STS: variants seen among roughly 807,000 people sequenced by gnomAD.
STS encodes the protein steroid sulfatase, also known as steryl-sulfatase.
Under a neutral mutation model 26.8 loss-of-function variants are expected in STS, and 7 were observed. The ratio of observed to expected loss-of-function variants is 0.26; its 90% confidence interval spans 0.15 to 0.49. The LOEUF (loss-of-function observed/expected upper bound fraction) is 0.49. Among genes scored for constraint, STS ranks in the 20% least tolerant of loss-of-function variants. STS has a pLI of 0.98. For missense variants in STS, 434 were observed against 465.6 expected, an observed-to-expected ratio of 0.93 and a Z score of 0.63; for synonymous variants, 199 against 189.4, an observed-to-expected ratio of 1.05 and a Z score of -0.42.
chrX:7,235,591 C>G (rs1163569653), intron 2 of STS, among the ~76,000 whole-genome samples: 1 of 111,635 alleles, frequency 9.0e-6, no homozygotes, highest in African/African-American at 3.3e-5. Flanking sequence ...GGCAACATGA[C>G]AAGATCCCAT....
At chrX:7,348,248 C>T (rs1439877036) in intron 10 of STS, among the ~76,000 whole-genome samples, 3 of 111,966 alleles carry the variant, frequency 2.7e-5, no homozygotes, top group African/African-American at 9.7e-5. Context: ...AGGTTAGGGG[C>T]GATTTGGGGA....
chrX:7,279,359 A>ATGTGTGTGTGTGTGTG (rs1375649455), intron 7 of STS, among the ~76,000 whole-genome samples: 16 of 56,081 alleles, frequency 2.9e-4, no homozygotes, highest in African/African-American at 1.3e-3. Context: ...GTGTGTGTGT[A>ATGTGTGTGTGTGTGTG]TATGTGTGTG....
chrX:7,324,075 T>C (rs1927227204), intron 8 of STS, among the ~76,000 whole-genome samples: 1 of 111,263 alleles, frequency 9.0e-6, no homozygotes, highest in Non-Finnish European at 1.9e-5. Context: ...GGCTACAGCT[T>C]GATTTATACA....
chrX:7,213,123 A>C (rs1009705295), intron 2 of STS, among the ~76,000 whole-genome samples: 1 of 111,583 alleles, frequency 9.0e-6, no homozygotes, highest in Non-Finnish European at 1.9e-5. Context: ...ACAGTCTTTA[A>C]AGTAGATATG....
chrX:7,314,079 G>C (rs1340699961), intron 8 of STS, among the ~76,000 whole-genome samples: 1 of 111,872 alleles, frequency 8.9e-6, no homozygotes, highest in Non-Finnish European at 1.9e-5. Flanking sequence ...ATGTAGCTGG[G>C]CGCAGTGGCT....
At chrX:7,271,483 C>T (rs1924266042) in intron 6 of STS, among the ~76,000 whole-genome samples, 1 of 110,901 alleles carries the variant, frequency 9.0e-6, no homozygotes, top group Non-Finnish European at 1.9e-5. Context: ...CATTTCAGCT[C>T]CTCCAGGTTC....
At position 7,257,130 on chromosome X, in the gene STS, AG is replaced by A. The variant is rs1278261475; in HGVS notation, c.138-111del. On this transcript the variant is annotated intron_variant, in intron 3 of 10. Transcript: ENST00000674429. ...TAGCCAGGCGTGGTAGTGTGAGCCG[AG>A]ATTGCGCCACTGCACTCCAGCCTGG... 3 of 1,050,254 alleles carry A rather than the reference AG, an allele frequency of 2.9e-6. No individual in the cohort carries two copies. The African/African-American group carries it at 5.6e-5, about 19-fold the overall frequency. The allele number at this position is 1,050,254 out of a possible 1,213,427, so 86.6% of individuals were successfully genotyped here.
intron 7 of STS, among the ~76,000 whole-genome samples, chrX:7,297,117 A>T (rs1256583765): frequency 1.8e-5 from 2 of 112,253 alleles, no homozygotes; most frequent in Non-Finnish European, 3.8e-5. Context: ...GCCAAGTCTC[A>T]TTATGAGCAT....
rs189168041 is a variant in STS, at chrX:7,335,669, G to A, written c.1363+1562G>A. Among the ~76,000 whole-genome samples the A allele has an allele frequency of 7.7e-3, 861 of 111,822 alleles. 15 individuals are homozygous for A. Among genetic ancestry groups the A allele is most frequent in the African/African-American group, 0.026 (789 of 30,761 alleles). On this transcript the variant is annotated intron_variant, in intron 10 of 10. Transcript: ENST00000674429. ...TGCCATTGCTTTTGGTGTTTTAGAC[G>A]TGAAGTCCCTGCCCATGCCTGTGTC...
intron 2 of STS, among the ~76,000 whole-genome samples, chrX:7,224,342 T>A (rs765870486): frequency 9.0e-6 from 1 of 111,575 alleles, no homozygotes; most frequent in Non-Finnish European, 1.9e-5. Flanking sequence ...TTTATGGCTG[T>A]CATTAGAGTT....
At position 7,278,217 on chromosome X, in the gene STS, T is replaced by A. The variant is rs886729673; in HGVS notation, c.943+2130T>A. 4.4e-4 allele frequency among the ~76,000 whole-genome samples: 50 copies of A among 112,709 alleles called. 1 individual carries two copies. The highest frequency in any genetic ancestry group is 8.8e-4 in the Non-Finnish European group (47 of 53,323). On this transcript the variant is annotated intron_variant, in intron 7 of 10. Transcript: ENST00000674429. ...AATTTTTAAGAAAGTTTTTGTTTTT[T>A]AAATCCAATACATATGAGTGTTCTA...
intron 1 of STS, among the ~76,000 whole-genome samples, chrX:7,168,548 C>T (rs994203352): frequency 7.2e-5 from 8 of 111,545 alleles, no homozygotes; most frequent in Non-Finnish European, 1.3e-4. Context: ...GAGGGCATCC[C>T]TCATAATGTG....
At chrX:7,295,279 A>C (rs1444431529) in intron 7 of STS, among the ~76,000 whole-genome samples, 1 of 111,694 alleles carries the variant, frequency 9.0e-6, no homozygotes, top group Non-Finnish European at 1.9e-5. Flanking sequence ...AAAAAAATCT[A>C]GTGGAACATT....
intron 2 of STS, among the ~76,000 whole-genome samples, chrX:7,209,003 T>TGGGC (rs1338888241): frequency 2.3e-4 from 26 of 111,700 alleles, no homozygotes; most frequent in African/African-American, 8.5e-4. Context: ...GTGATGACAG[T>TGGGC]GGGCCCACCT....
In STS at chrX:7,230,461, A is replaced by T. The variant is rs776503965; in HGVS notation, c.-4-22735A>T. On this transcript the variant is annotated intron_variant, in intron 2 of 10. Coordinates refer to ENST00000674429, the MANE Select transcript of STS (RefSeq NM_001320752.2). Reference sequence around the variant, plus strand: ...CATGTGTCAGCTGAGGAATGGATAAATAAAATGTGGCACAGCCATGCAATG... The same window carrying T: ...CATGTGTCAGCTGAGGAATGGATAATTAAAATGTGGCACAGCCATGCAATG... Among the ~76,000 whole-genome samples the T allele has an allele frequency of 5.4e-5, 6 of 112,096 alleles. No individual in the cohort carries two copies. In the South Asian group the frequency reaches 2.3e-3, roughly 42 times the overall value.
chrX:7,148,059 G>A lies in STS; in HGVS notation c.-158G>A, dbSNP rs746683589. The A allele has an allele frequency of 2.6e-6, 3 of 1,138,493 alleles. No individual in the cohort carries two copies. The highest frequency in any genetic ancestry group is 7.2e-5 in the East Asian group (2 of 27,764). The allele number at this position is 1,138,493 out of a possible 1,213,427, so 93.8% of individuals were successfully genotyped here. The stretch of plus-strand genomic sequence containing the variant: ...GCGGCTGCACACTACCCACCCAGAA[G>A]AAGTCCGTCCATGTCAAAGATGAGG... On this transcript the variant is annotated 5_prime_UTR_variant, in exon 1 of 11. Coordinates refer to ENST00000674429, the MANE Select transcript of STS (RefSeq NM_001320752.2).
chrX:7,291,559 G>A (rs1190117423), intron 7 of STS, among the ~76,000 whole-genome samples: 1 of 112,048 alleles, frequency 8.9e-6, no homozygotes, highest in African/African-American at 3.2e-5. Context: ...TGTTTCTGGC[G>A]TTACCTTAGT....
intron 9 of STS, among the ~76,000 whole-genome samples, chrX:7,329,538 A>G (rs1348614786): frequency 8.9e-6 from 1 of 112,625 alleles, no homozygotes; most frequent in Non-Finnish European, 1.9e-5. Context: ...CCTTTAGAAA[A>G]TAGTCTTAAC....
intron 7 of STS, among the ~76,000 whole-genome samples, chrX:7,277,015 G>C (rs1295347183): frequency 9.0e-6 from 1 of 111,648 alleles, no homozygotes; most frequent in Non-Finnish European, 1.9e-5. Context: ...CACAGCTAAG[G>C]GGTTGGCTGG....
Sources: allele counts gnomAD v4.1 joint callset (sites outside exome capture counted in the v4.1 genomes callset), GRCh38; gene constraint gnomAD v4.1.1; transcripts MANE v1.5; gene names NCBI Gene and HGNC (gene_info 2026-07-23, HGNC 2026-07-21).